PPM1L: variants seen among roughly 807,000 people sequenced by gnomAD.
PPM1L encodes protein phosphatase, Mg2+/Mn2+ dependent 1L.
A neutral mutation model predicts 31.4 loss-of-function variants in PPM1L; 13 were observed. The ratio of observed to expected loss-of-function variants is 0.41; its 90% CI spans 0.27 to 0.66. PPM1L has a LOEUF of 0.66. Ranked by LOEUF, PPM1L falls within the 30% of genes least tolerant of loss-of-function variation. PPM1L has a pLI of 0.29. For synonymous variants in PPM1L, 184 were observed against 175.4 expected (o/e 1.05, Z -0.39); for missense variants, 326 against 453.7 (o/e 0.72, Z 2.56).
intron 1 of PPM1L, among the ~76,000 whole-genome samples, chr3:160,790,661 G>T (rs1435956005): frequency 6.6e-6 from 1 of 151,988 alleles, no homozygotes; most frequent in African/African-American, 2.4e-5. Flanking sequence ...ACTTGCTGAG[G>T]TTACATTACT....
intron 2 of PPM1L, among the ~76,000 whole-genome samples, chr3:160,971,895 C>T (rs1483364205): frequency 1.3e-5 from 2 of 152,154 alleles, no homozygotes; most frequent in Non-Finnish European, 2.9e-5. Context: ...TCCAGAGTAG[C>T]TGATACTACA....
chr3:161,017,391 C>T (rs916483534), intron 2 of PPM1L, among the ~76,000 whole-genome samples: 3 of 152,102 alleles, frequency 2.0e-5, no homozygotes, highest in African/African-American at 7.2e-5. Context: ...CATCTTGACA[C>T]AATTGATTAT....
chr3:160,840,586 G>A (rs1020083122), intron 1 of PPM1L, among the ~76,000 whole-genome samples: 1 of 152,092 alleles, frequency 6.6e-6, no homozygotes, highest in Non-Finnish European at 1.5e-5. Context: ...TGAGAACCAA[G>A]GCCTGGTGTA....
intron 2 of PPM1L, among the ~76,000 whole-genome samples, chr3:161,053,785 G>T (rs545904624): frequency 2.0e-5 from 3 of 152,088 alleles, no homozygotes; most frequent in Admixed American, 6.6e-5. Context: ...GTTTGCTGGG[G>T]AAGAGCCAAA....
In PPM1L at chr3:161,078,559, C is replaced by T. The variant is rs532264521; in HGVS notation, c.*9402C>T. The T allele has an allele frequency of 6.6e-6, 1 of 152,298 alleles. No homozygotes were observed. The highest frequency in any genetic ancestry group is 2.1e-4 in the South Asian group (1 of 4,822). 9.4% of individuals were successfully genotyped at this position (152,298 alleles called of 1,614,324 possible). ...TCCTGAAAACCATCCATGATAAATACAACAAGGCTTGGCGAAACCTCATTA... is the reference window on the plus strand; with the variant it reads ...TCCTGAAAACCATCCATGATAAATATAACAAGGCTTGGCGAAACCTCATTA... On this transcript the variant is annotated 3_prime_UTR_variant, in exon 4 of 4. Transcript: ENST00000498165.
chr3:160,930,064 A>C (rs1453354481), intron 1 of PPM1L, among the ~76,000 whole-genome samples: 1 of 152,148 alleles, frequency 6.6e-6, no homozygotes, highest in Non-Finnish European at 1.5e-5. Context: ...GCTCCCAAGA[A>C]ACCTTCCTCA....
At chr3:160,878,734 C>T (rs1487319740) in intron 1 of PPM1L, among the ~76,000 whole-genome samples, 1 of 152,178 alleles carries the variant, frequency 6.6e-6, no homozygotes, top group African/African-American at 2.4e-5. Flanking sequence ...GTGGGAGAAG[C>T]AGGTACTGTT....
intron 2 of PPM1L, among the ~76,000 whole-genome samples, chr3:160,979,821 C>G (rs1015781231): frequency 6.6e-6 from 1 of 152,066 alleles, no homozygotes; most frequent in South Asian, 2.1e-4. Flanking sequence ...GAATGTAATA[C>G]CACAGAAAAT....
At chr3:161,003,655 T>A (rs1576775368) in intron 2 of PPM1L, among the ~76,000 whole-genome samples, 1 of 152,188 alleles carries the variant, frequency 6.6e-6, no homozygotes, top group East Asian at 1.9e-4. Flanking sequence ...GTTGTTGGTG[T>A]ATAAGAAGGC....
At chr3:160,996,307 A>G (rs1476924022) in intron 2 of PPM1L, among the ~76,000 whole-genome samples, 1 of 152,206 alleles carries the variant, frequency 6.6e-6, no homozygotes, top group Non-Finnish European at 1.5e-5. Flanking sequence ...CCAGAGGAAA[A>G]GAAGTCATTA....
intron 2 of PPM1L, among the ~76,000 whole-genome samples, chr3:161,059,448 T>C (rs150019542): frequency 1.4e-4 from 22 of 152,276 alleles, no homozygotes; most frequent in African/African-American, 3.6e-4. Flanking sequence ...AGCTGGACAA[T>C]GGTGTTGTCC....
intron 2 of PPM1L, among the ~76,000 whole-genome samples, chr3:161,024,208 T>C (rs1402733480): frequency 2.1e-5 from 3 of 144,166 alleles, no homozygotes; most frequent in African/African-American, 7.9e-5. Flanking sequence ...GAGGTTGCAG[T>C]GAGCCAAGAT....
At chr3:160,779,790 C>A (rs1711683302) in intron 1 of PPM1L, among the ~76,000 whole-genome samples, 1 of 152,034 alleles carries the variant, frequency 6.6e-6, no homozygotes, top group South Asian at 2.1e-4. Context: ...CCTGGGCCTC[C>A]CAAAGTGCTG....
rs150055764 is a variant in PPM1L at position 160,756,473 on chromosome 3, C to A, written c.165C>A (p.Ala55=). 5.0e-6 allele frequency: 8 copies of A among 1,614,004 alleles called. No individual in the cohort carries two copies. The highest frequency in any genetic ancestry group is 1.3e-5 in the African/African-American group (1 of 74,890). The change falls in exon 1 of 4, where the codon GCC becomes GCA. Residue 55 remains alanine, a synonymous_variant. Transcript: ENST00000498165. The surrounding 1 kb of genome is among the most constrained non-coding windows in gnomAD (Gnocchi z 6.2). ...CCATCGTGAAGTCCAGCCGGGACGC[C>A]GTGAAGATGGTGAAGGGCAAGGTAG... The part of the protein sequence containing the change: ...VKTIVKSSRD[A]VKMVKGKVAE...
intron 2 of PPM1L, among the ~76,000 whole-genome samples, chr3:161,005,934 C>T (rs926501470): frequency 5.3e-5 from 8 of 151,754 alleles, no homozygotes; most frequent in Non-Finnish European, 1.0e-4. Context: ...TGACTTCAGA[C>T]CCAAAAGCTA....
intron 1 of PPM1L, among the ~76,000 whole-genome samples, chr3:160,791,771 G>A (rs111969070): frequency 6.6e-6 from 1 of 152,152 alleles, no homozygotes; most frequent in African/African-American, 2.4e-5. Context: ...GATGAAAAAG[G>A]CCTCTTGGAT....
intron 1 of PPM1L, among the ~76,000 whole-genome samples, chr3:160,929,073 C>G (rs998253790): frequency 3.3e-5 from 5 of 151,894 alleles, no homozygotes; most frequent in African/African-American, 1.2e-4. Context: ...TGTCAGGTTT[C>G]TATGATTTGC....
intron 1 of PPM1L, among the ~76,000 whole-genome samples, chr3:160,762,078 G>A (rs1361114822): frequency 6.6e-6 from 1 of 152,082 alleles, no homozygotes; most frequent in Non-Finnish European, 1.5e-5. Flanking sequence ...ATTTATGTAA[G>A]TTTCATTGAC....
rs183820555 is a variant in PPM1L at position 161,052,087 on chromosome 3, C to G, written c.575-13316C>G. Among the ~76,000 whole-genome samples the G allele has an allele frequency of 3.6e-3, 556 of 152,332 alleles. 1 individual carries two copies. The highest frequency in any genetic ancestry group is 6.2e-3 in the Non-Finnish European group (420 of 68,026). ...AAGCTCCTGAGAGTTACTGTTCTCA[C>G]TCAATGGGAGGCCAGCGGTTCTCAG... On this transcript the variant is annotated intron_variant, in intron 2 of 3. Coordinates refer to ENST00000498165, the MANE Select transcript of PPM1L (RefSeq NM_139245.4).
Sources: gnomAD v4.1 joint callset for allele counts (sites outside exome capture counted in the v4.1 genomes callset) on GRCh38, gnomAD v4.1.1 for gene constraint, Gnocchi (gnomAD v3.1) non-coding constraint, MANE v1.5 for transcripts, NCBI Gene and HGNC (gene_info 2026-07-23, HGNC 2026-07-21) for gene names.